Variants in ERCC6L2 observed in about 807,000 individuals in gnomAD.
ERCC6L2 encodes DNA excision repair protein ERCC-6-like 2.
A neutral mutation model predicts 132.0 loss-of-function variants in ERCC6L2; 77 were observed. The observed-to-expected ratio is 0.58, with a 90% confidence interval of 0.49 to 0.71. ERCC6L2 has a LOEUF of 0.71. Ranked by LOEUF, ERCC6L2 falls within the 30% of genes least tolerant of loss-of-function variation. The pLI, the probability that ERCC6L2 is intolerant of heterozygous loss-of-function variation, is 0.00. For missense variants in ERCC6L2, 1,542 were observed against 1,837.6 expected, an observed-to-expected ratio of 0.84 and a Z score of 2.94; for synonymous variants, 583 against 632.4, an observed-to-expected ratio of 0.92 and a Z score of 1.17.
chr9:95,967,687 T>C (rs986464035), intron 14 of ERCC6L2: 2 of 152,226 alleles, frequency 1.3e-5, no homozygotes, highest in African/African-American at 4.8e-5. Flanking sequence ...TATATACTGC[T>C]GAGTTTCTAT....
At chr9:95,911,975 C>A (rs998081070) in intron 4 of ERCC6L2, among the ~76,000 whole-genome samples, 1 of 152,096 alleles carries the variant, frequency 6.6e-6, no homozygotes, top group East Asian at 1.9e-4. Flanking sequence ...CTATTGATTT[C>A]TTTTTAAGGA....
intron 12 of ERCC6L2, among the ~76,000 whole-genome samples, chr9:95,943,233 G>A (rs1415831706): frequency 5.3e-5 from 8 of 152,058 alleles, no homozygotes; most frequent in African/African-American, 1.7e-4. Flanking sequence ...GAACTAAAAT[G>A]TTATATAAAT....
chr9:95,920,558 G>A (rs1004620465), intron 6 of ERCC6L2, among the ~76,000 whole-genome samples: 2 of 152,090 alleles, frequency 1.3e-5, no homozygotes, highest in Non-Finnish European at 2.9e-5. Flanking sequence ...TGGGGAGTTA[G>A]CACCCTAGCG....
At position 96,001,241 on chromosome 9, in the gene ERCC6L2, A is replaced by G. The variant is rs1310905795; in HGVS notation, c.3493-3279A>G. Among the ~76,000 whole-genome samples, 5 of 152,298 alleles carry G rather than the reference A, an allele frequency of 3.3e-5. No homozygotes were observed. In the East Asian group the frequency reaches 9.7e-4, roughly 29 times the overall value. ...AAGAGCGAAAGAACAAATCTTCCACAGTGTGGAAGGGGACCCGAGCGGGTT... is the reference window on the plus strand; with the variant it reads ...AAGAGCGAAAGAACAAATCTTCCACGGTGTGGAAGGGGACCCGAGCGGGTT... On this transcript the variant is annotated intron_variant, in intron 17 of 18. Transcript: ENST00000653738.
At chr9:95,895,097 T>C (rs950127709) in intron 2 of ERCC6L2, among the ~76,000 whole-genome samples, 3 of 152,196 alleles carry the variant, frequency 2.0e-5, no homozygotes, top group Non-Finnish European at 4.4e-5. Flanking sequence ...TTGTCTACTT[T>C]TATTTCAATA....
chr9:95,962,829 A>G (rs1831972919), intron 13 of ERCC6L2, among the ~76,000 whole-genome samples: 1 of 152,178 alleles, frequency 6.6e-6, no homozygotes, highest in Non-Finnish European at 1.5e-5. Context: ...TGGTGTTTTC[A>G]ACTTACAATG....
downstream of ERCC6L2, among the ~76,000 whole-genome samples, chr9:96,019,329 T>A (rs1834244655): frequency 6.6e-6 from 1 of 152,146 alleles, no homozygotes. Flanking sequence ...ATGCACCATA[T>A]GAGAAGCCCC....
intron 17 of ERCC6L2, among the ~76,000 whole-genome samples, chr9:95,994,385 G>C (rs978050586): frequency 7.0e-6 from 1 of 143,002 alleles, no homozygotes; most frequent in African/African-American, 2.5e-5. Flanking sequence ...TCTCCTCCTT[G>C]TTTCCAGTTT....
chr9:96,040,947 T>C (rs1286245481), intron 20 of ERCC6L2, among the ~76,000 whole-genome samples: 2 of 152,254 alleles, frequency 1.3e-5, no homozygotes. Context: ...TTTATGCTAA[T>C]GGGCCCCCTC....
chr9:95,901,636 G>C (rs964713492), intron 3 of ERCC6L2, among the ~76,000 whole-genome samples: 1 of 152,178 alleles, frequency 6.6e-6, no homozygotes, highest in Non-Finnish European at 1.5e-5. Flanking sequence ...AGGGCGGATT[G>C]CTCAGTTCTT....
intron 17 of ERCC6L2, among the ~76,000 whole-genome samples, chr9:95,980,388 G>A (rs888662472): frequency 6.6e-6 from 1 of 152,166 alleles, no homozygotes; most frequent in Non-Finnish European, 1.5e-5. Context: ...TGACTACATT[G>A]TGGTGAAGTT....
At position 96,013,215 on chromosome 9, in the gene ERCC6L2, A is replaced by T; in HGVS notation, c.*12A>T. On this transcript the variant is annotated 3_prime_UTR_variant, in exon 19 of 19. Coordinates refer to ENST00000653738, the MANE Select transcript of ERCC6L2 (RefSeq NM_020207.7). Reference sequence around the variant, plus strand: ...AGAGTACCACATAAGCATATAAATGAATTACTGCACCAGTAAACTGCTGCC... The same window carrying T: ...AGAGTACCACATAAGCATATAAATGTATTACTGCACCAGTAAACTGCTGCC... The T allele has an allele frequency of 7.5e-7, 1 of 1,340,616 alleles. No individual in the cohort carries two copies. Among genetic ancestry groups the T allele is most frequent in the Non-Finnish European group, 9.9e-7 (1 of 1,010,992 alleles). The allele number at this position is 1,340,616 out of a possible 1,614,324, so 83.0% of individuals were successfully genotyped here. A position where few individuals can be genotyped will look rare whatever the true frequency, so the allele number is the denominator to read the frequency against.
intron 17 of ERCC6L2, among the ~76,000 whole-genome samples, chr9:96,001,493 C>T (rs1431370594): frequency 2.6e-5 from 4 of 152,174 alleles, no homozygotes; most frequent in East Asian, 1.9e-4. Flanking sequence ...TACAGGGTGT[C>T]GATTGGTGCA....
At chr9:95,925,176 C>T (rs1172426591) in intron 9 of ERCC6L2, among the ~76,000 whole-genome samples, 1 of 152,200 alleles carries the variant, frequency 6.6e-6, no homozygotes, top group Non-Finnish European at 1.5e-5. Flanking sequence ...CAAAGCTACA[C>T]TTATGACCCC....
intron 12 of ERCC6L2, among the ~76,000 whole-genome samples, chr9:95,952,012 A>T (rs1831354983): frequency 6.6e-6 from 1 of 151,864 alleles, no homozygotes; most frequent in Admixed American, 6.6e-5. Flanking sequence ...TACTAAAAAT[A>T]CAAAAATTAG....
intron 3 of ERCC6L2, among the ~76,000 whole-genome samples, chr9:95,906,874 C>T (rs930130769): frequency 2.2e-4 from 33 of 152,078 alleles, no homozygotes; most frequent in African/African-American, 8.0e-4. Context: ...TCTGTCTTGT[C>T]CTGATAAAAA....
intron 2 of ERCC6L2, among the ~76,000 whole-genome samples, chr9:95,893,006 A>G (rs1404088019): frequency 6.6e-6 from 1 of 152,068 alleles, no homozygotes; most frequent in Non-Finnish European, 1.5e-5. Flanking sequence ...TTGATATGAT[A>G]TTTTTTAGAA....
chr9:95,984,327 A>G (rs12686222), intron 17 of ERCC6L2, among the ~76,000 whole-genome samples: 24,185 of 149,658 alleles, frequency 0.16, 2,122 homozygotes, highest in Middle Eastern at 0.27. Context: ...TTATATGTGT[A>G]TATATATATG....
chr9:95,990,307 G>A (rs867127834), intron 17 of ERCC6L2, among the ~76,000 whole-genome samples: 7 of 152,274 alleles, frequency 4.6e-5, no homozygotes, highest in South Asian at 2.1e-4. Context: ...TGATTATCAT[G>A]GTCAAATTTG....
Sources: allele counts gnomAD v4.1 joint callset (sites outside exome capture counted in the v4.1 genomes callset), GRCh38; gene constraint gnomAD v4.1.1; transcripts MANE v1.5; gene names NCBI Gene and HGNC (gene_info 2026-07-23, HGNC 2026-07-21).